The following ASB13 variants were observed in gnomAD, a reference collection of about 807,000 sequenced individuals.
ASB13 encodes the protein ankyrin repeat and SOCS box protein 13.
Under a neutral mutation model 28.8 loss-of-function variants are expected in ASB13, and 33 were observed. The ratio of observed to expected loss-of-function variants is 1.15; its 90% CI spans 0.87 to 1.53. The LOEUF (loss-of-function observed/expected upper bound fraction) is 1.53, where lower values mean the gene tolerates loss of function less well. Among genes scored for constraint, ASB13 ranks in the 40% most tolerant of loss-of-function variants. The pLI, the probability that ASB13 is intolerant of heterozygous loss-of-function variation, is 0.00. For missense variants in ASB13, 414 were observed against 390.1 expected (o/e 1.06, Z -0.52); for synonymous variants, 182 against 172.9 (o/e 1.05, Z -0.41).
Position 5,641,317 on chromosome 10 carries a change from G to C in ASB13, c.709+453C>G, listed in dbSNP as rs1588505805. ...GGGTTTCATCAAGTTGGCCAGGCTGGTTTCGAACTCCTGACCTCAGGTGAT... is the reference window on the plus strand; with the variant it reads ...GGGTTTCATCAAGTTGGCCAGGCTGCTTTCGAACTCCTGACCTCAGGTGAT... On this transcript the variant is annotated intron_variant, in intron 5 of 5. Transcript: ENST00000357700. The surrounding 1 kb of genome is among the most constrained non-coding windows in gnomAD (Gnocchi z 8.4). 6.6e-6 allele frequency among the ~76,000 whole-genome samples: 1 copy of C among 152,242 alleles called. No homozygotes were observed. The highest frequency in any genetic ancestry group is 2.4e-5 in the African/African-American group (1 of 41,522).
rs1835265490 is a variant in ASB13 at position 5,666,590 on chromosome 10, G to C, written c.-39C>G. Reference sequence around the variant, plus strand: ...GGCCGCGCGGCGACTCTGGGCGCCGGGACCTGGGCCGGGCCGCGCGGGGCC... The same window carrying C: ...GGCCGCGCGGCGACTCTGGGCGCCGCGACCTGGGCCGGGCCGCGCGGGGCC... On this transcript the variant is annotated 5_prime_UTR_variant, in exon 1 of 6. Transcript: ENST00000357700. 1 of 1,107,116 alleles carries C rather than the reference G, an allele frequency of 9.0e-7. No homozygotes were observed. Among genetic ancestry groups the C allele is most frequent in the Admixed American group, 5.0e-5 (1 of 19,828 alleles). The allele number at this position is 1,107,116 out of a possible 1,614,324, so 68.6% of individuals were successfully genotyped here. A position where few individuals can be genotyped will look rare whatever the true frequency, so the allele number is the denominator to read the frequency against.
In ASB13 at chr10:5,648,920, G is replaced by A. The variant is rs761069483; in HGVS notation, c.517+50C>T. On this transcript the variant is annotated intron_variant, in intron 4 of 5. Transcript: ENST00000357700. Reference sequence around the variant, plus strand: ...CACCCACGCAGGTAAACACCCGCTCGGGCAAACACCCACTCAGGTAAACAC... The same window carrying A: ...CACCCACGCAGGTAAACACCCGCTCAGGCAAACACCCACTCAGGTAAACAC... The A allele has an allele frequency of 8.8e-6, 14 of 1,595,034 alleles. No individual in the cohort carries two copies. The Admixed American group carries it at 1.2e-4, about 13-fold the overall frequency.
rs1171876914 is a variant in ASB13 at position 5,656,398 on chromosome 10, C to G, written c.44-3348G>C. Among the ~76,000 whole-genome samples the G allele has an allele frequency of 2.0e-5, 3 of 152,066 alleles. No homozygotes were observed. The highest frequency in any genetic ancestry group is 2.9e-5 in the Non-Finnish European group (2 of 68,018). On this transcript the variant is annotated intron_variant, in intron 1 of 5. Transcript: ENST00000357700. The surrounding 1 kb of genome is among the most constrained non-coding windows in gnomAD (Gnocchi z 4.3). Reference sequence around the variant, plus strand: ...ACTAAAAATACAAAGAATTAGCCGGCCGTGGTGGCACGTGCCTGTAATCCC... The same window carrying G: ...ACTAAAAATACAAAGAATTAGCCGGGCGTGGTGGCACGTGCCTGTAATCCC...
In ASB13 at chr10:5,640,516, C is replaced by A. The variant is rs763747272; in HGVS notation, c.*187G>T. The A allele has an allele frequency of 9.6e-6, 7 of 730,068 alleles. No homozygotes were observed. The highest frequency in any genetic ancestry group is 1.5e-5 in the Non-Finnish European group (7 of 461,180). The allele number at this position is 730,068 out of a possible 1,614,324, so 45.2% of individuals were successfully genotyped here. A position where few individuals can be genotyped will look rare whatever the true frequency, so the allele number is the denominator to read the frequency against. On this transcript the variant is annotated 3_prime_UTR_variant, in exon 6 of 6. Coordinates refer to ENST00000357700, the MANE Select transcript of ASB13 (RefSeq NM_024701.4). The stretch of plus-strand genomic sequence containing the variant: ...CACAACTGTGACCTGAGACGCAGGC[C>A]TTCCCAACACCCTGGAAACATTATC...
At chr10:5,662,017 G>A (rs7084261) in intron 1 of ASB13, among the ~76,000 whole-genome samples, 21,156 of 152,112 alleles carry the variant, frequency 0.14, 2,002 homozygotes, top group East Asian at 0.49. Context: ...TGGGGCGGGC[G>A]AGCACACACT....
At chr10:5,646,468 C>T (rs779759218) in intron 4 of ASB13, among the ~76,000 whole-genome samples, 1 of 152,184 alleles carries the variant, frequency 6.6e-6, no homozygotes. Context: ...GCGTGTAGGC[C>T]TGAAGCCACT....
rs1427628016 is a variant in ASB13 at position 5,639,576 on chromosome 10, C to T, written c.*1127G>A. The T allele has an allele frequency of 2.6e-5, 4 of 152,178 alleles. No homozygotes were observed. The highest frequency in any genetic ancestry group is 1.3e-4 in the Admixed American group (2 of 15,276). 9.4% of individuals were successfully genotyped at this position (152,178 alleles called of 1,614,324 possible). On this transcript the variant is annotated 3_prime_UTR_variant, in exon 6 of 6. Coordinates refer to ENST00000357700, the MANE Select transcript of ASB13 (RefSeq NM_024701.4). ...GGCCCATGCAGTCTGAATACGCTAC[C>T]GAATGCTCCACCTATGGCTTATAAT...
chr10:5,653,281 A>G (rs562810801), intron 1 of ASB13, among the ~76,000 whole-genome samples: 1 of 152,192 alleles, frequency 6.6e-6, no homozygotes, highest in African/African-American at 2.4e-5. Flanking sequence ...GCTCACCTCC[A>G]CAGTCCACCT....
rs532086737 is a variant in ASB13, at chr10:5,656,453, C to T, written c.44-3403G>A. 1.2e-4 allele frequency among the ~76,000 whole-genome samples: 18 copies of T among 152,022 alleles called. No homozygotes were observed. The highest frequency in any genetic ancestry group is 1.6e-4 in the Non-Finnish European group (11 of 67,996). ...ACTCAGGAGGCGGAGGCAGCAGAAT[C>T]GCTTGAACCCAGGAGGCGGAGATTG... On this transcript the variant is annotated intron_variant, in intron 1 of 5. Coordinates refer to ENST00000357700, the MANE Select transcript of ASB13 (RefSeq NM_024701.4). The surrounding 1 kb of genome is among the most constrained non-coding windows in gnomAD (Gnocchi z 4.3).
rs886937371 is a variant in ASB13 at position 5,641,567 on chromosome 10, G to A, written c.709+203C>T. Among the ~76,000 whole-genome samples, 1 of 152,150 alleles carries A rather than the reference G, an allele frequency of 6.6e-6. No individual in the cohort carries two copies. Among genetic ancestry groups the A allele is most frequent in the African/African-American group, 2.4e-5 (1 of 41,428 alleles). The stretch of plus-strand genomic sequence containing the variant: ...TCGGCCACAGCTTCTGCTGCTCCAC[G>A]CCACGGGCCACAGGGAACCCAGGGA... On this transcript the variant is annotated intron_variant, in intron 5 of 5. Coordinates refer to ENST00000357700, the MANE Select transcript of ASB13 (RefSeq NM_024701.4). This position sits in a 1 kb window ranked among gnomAD's most constrained non-coding sequence, Gnocchi z 8.4.
rs1170878917 is a variant in ASB13 at position 5,641,459 on chromosome 10, C to T, written c.709+311G>A. The stretch of plus-strand genomic sequence containing the variant: ...ATTATATTTCAGCACCCAAACTTGT[C>T]ATCAAACAACTAATCTGCAGCTAGG... On this transcript the variant is annotated intron_variant, in intron 5 of 5. Transcript: ENST00000357700. The surrounding 1 kb of genome is among the most constrained non-coding windows in gnomAD (Gnocchi z 8.4). 6.6e-6 allele frequency among the ~76,000 whole-genome samples: 1 copy of T among 152,162 alleles called. No individual in the cohort carries two copies. Among genetic ancestry groups the T allele is most frequent in the Non-Finnish European group, 1.5e-5 (1 of 68,018 alleles).
rs563305688 is a variant in ASB13, at chr10:5,661,896, G to C, written c.43+4613C>G. On this transcript the variant is annotated intron_variant, in intron 1 of 5. Coordinates refer to ENST00000357700, the MANE Select transcript of ASB13 (RefSeq NM_024701.4). This position sits in a 1 kb window ranked among gnomAD's most constrained non-coding sequence, Gnocchi z 4.9. The stretch of plus-strand genomic sequence containing the variant: ...CTGGCTGCAGAAATGTCATTTCTGC[G>C]TCAAAAACAACCAGCAGCCTCTGTA... Among the ~76,000 whole-genome samples the C allele has an allele frequency of 6.6e-6, 1 of 152,150 alleles. No individual in the cohort carries two copies. The highest frequency in any genetic ancestry group is 6.5e-5 in the Admixed American group (1 of 15,272).
rs1055279593 is a variant in ASB13, at chr10:5,659,079, G to C, written c.44-6029C>G. Reference sequence around the variant, plus strand: ...CACGGACCTTAAATGGATGAGGAGTGAGCACAGGAAATGCTGTCTGTTAGT... The same window carrying C: ...CACGGACCTTAAATGGATGAGGAGTCAGCACAGGAAATGCTGTCTGTTAGT... On this transcript the variant is annotated intron_variant, in intron 1 of 5. Coordinates refer to ENST00000357700, the MANE Select transcript of ASB13 (RefSeq NM_024701.4). The surrounding 1 kb of genome is among the most constrained non-coding windows in gnomAD (Gnocchi z 5.8). Among the ~76,000 whole-genome samples, 2 of 152,186 alleles carry C rather than the reference G, an allele frequency of 1.3e-5. No individual in the cohort carries two copies. Among genetic ancestry groups the C allele is most frequent in the Non-Finnish European group, 2.9e-5 (2 of 68,032 alleles).
At position 5,651,059 on chromosome 10, in the gene ASB13, C is replaced by T; in HGVS notation, c.382+154G>A. On this transcript the variant is annotated intron_variant, in intron 3 of 5. Coordinates refer to ENST00000357700, the MANE Select transcript of ASB13 (RefSeq NM_024701.4). The surrounding 1 kb of genome is among the most constrained non-coding windows in gnomAD (Gnocchi z 5.1). ...AAAGCTTAGAATCTCTGCAGCTGAG[C>T]CACCAGGAGCCAGAAACAGACTCAG... 1 of 1,016,724 alleles carries T rather than the reference C, an allele frequency of 9.8e-7. No individual in the cohort carries two copies. The highest frequency in any genetic ancestry group is 1.4e-6 in the Non-Finnish European group (1 of 711,370). The allele number at this position is 1,016,724 out of a possible 1,614,324, so 63.0% of individuals were successfully genotyped here. A position where few individuals can be genotyped will look rare whatever the true frequency, so the allele number is the denominator to read the frequency against.
In ASB13 at chr10:5,642,469, G is replaced by T; in HGVS notation, c.518-508C>A. 1 of 1,158,006 alleles carries T rather than the reference G, an allele frequency of 8.6e-7. No homozygotes were observed. Among genetic ancestry groups the T allele is most frequent in the African/African-American group, 1.6e-5 (1 of 61,086 alleles). The allele number at this position is 1,158,006 out of a possible 1,614,324, so 71.7% of individuals were successfully genotyped here. A position where few individuals can be genotyped will look rare whatever the true frequency, so the allele number is the denominator to read the frequency against. On this transcript the variant is annotated intron_variant, in intron 4 of 5. Transcript: ENST00000357700. The surrounding 1 kb of genome is among the most constrained non-coding windows in gnomAD (Gnocchi z 4.1). ...CTTTTACAAAAGGAAAACAGATAAC[G>T]TACCCAAAACAGTAGGCAATTCAGA...
In ASB13 at chr10:5,650,674, A is replaced by C. The variant is rs1834969741; in HGVS notation, c.382+539T>G. On this transcript the variant is annotated intron_variant, in intron 3 of 5. Transcript: ENST00000357700. This position sits in a 1 kb window ranked among gnomAD's most constrained non-coding sequence, Gnocchi z 6.0. The stretch of plus-strand genomic sequence containing the variant: ...CTGCTCCACTGGGAGCTTCTGATGC[A>C]GTAAGATAGGACAAGGAATGTTCCC... Among the ~76,000 whole-genome samples, 1 of 152,246 alleles carries C rather than the reference A, an allele frequency of 6.6e-6. No homozygotes were observed. The highest frequency in any genetic ancestry group is 1.9e-4 in the East Asian group (1 of 5,198).
Position 5,658,863 on chromosome 10 carries a change from T to G in ASB13, c.44-5813A>C, listed in dbSNP as rs1192633195. On this transcript the variant is annotated intron_variant, in intron 1 of 5. Coordinates refer to ENST00000357700, the MANE Select transcript of ASB13 (RefSeq NM_024701.4). The surrounding 1 kb of genome is among the most constrained non-coding windows in gnomAD (Gnocchi z 4.2). ...GGATAGAAGGCTAGAGGACAGCAGG[T>G]GCCTGGGGTGCACCTCGTCACCTTT... 6.6e-6 allele frequency among the ~76,000 whole-genome samples: 1 copy of G among 152,074 alleles called. No homozygotes were observed. Among genetic ancestry groups the G allele is most frequent in the East Asian group, 1.9e-4 (1 of 5,194 alleles).
Position 5,644,576 on chromosome 10 carries a change from G to C in ASB13, c.518-2615C>G, listed in dbSNP as rs534071694. ...CTCATGCCTGTAATCCCAGCACTTT[G>C]AGAGCCTGAGGCGGGCAGATCACCT... On this transcript the variant is annotated intron_variant, in intron 4 of 5. Coordinates refer to ENST00000357700, the MANE Select transcript of ASB13 (RefSeq NM_024701.4). This position sits in a 1 kb window ranked among gnomAD's most constrained non-coding sequence, Gnocchi z 5.1. Among the ~76,000 whole-genome samples the C allele has an allele frequency of 2.0e-5, 3 of 152,252 alleles. No homozygotes were observed. Among genetic ancestry groups the C allele is most frequent in the African/African-American group, 7.2e-5 (3 of 41,534 alleles).
At position 5,659,823 on chromosome 10, in the gene ASB13, C is replaced by T. The variant is rs1471182908; in HGVS notation, c.43+6686G>A. ...GTGCAGGTATCTGAATGAATAAGCACTCCCCAGACGCATCTTCCCCTGCCA... is the reference window on the plus strand; with the variant it reads ...GTGCAGGTATCTGAATGAATAAGCATTCCCCAGACGCATCTTCCCCTGCCA... On this transcript the variant is annotated intron_variant, in intron 1 of 5. Coordinates refer to ENST00000357700, the MANE Select transcript of ASB13 (RefSeq NM_024701.4). The surrounding 1 kb of genome is among the most constrained non-coding windows in gnomAD (Gnocchi z 5.8). 6.6e-6 allele frequency among the ~76,000 whole-genome samples: 1 copy of T among 152,180 alleles called. No individual in the cohort carries two copies. The highest frequency in any genetic ancestry group is 1.9e-4 in the East Asian group (1 of 5,186).
Sources: gnomAD v4.1 joint callset for allele counts (sites outside exome capture counted in the v4.1 genomes callset) on GRCh38, gnomAD v4.1.1 for gene constraint, Gnocchi (gnomAD v3.1) non-coding constraint, MANE v1.5 for transcripts, NCBI Gene and HGNC (gene_info 2026-07-23, HGNC 2026-07-21) for gene names.